Variants in HMBOX1 observed in about 807,000 individuals in gnomAD.
The protein encoded by HMBOX1 is homeobox containing 1, also known as homeobox-containing protein 1.
HMBOX1 carries 14 observed loss-of-function variants against 54.5 expected under a neutral mutation model. The ratio of observed to expected loss-of-function variants is 0.26; its 90% CI spans 0.17 to 0.40. The LOEUF (loss-of-function observed/expected upper bound fraction) is 0.40, where lower values mean the gene tolerates loss of function less well. Ranked by LOEUF, HMBOX1 falls within the 10% of genes least tolerant of loss-of-function variation. HMBOX1 has a pLI of 1.00. For missense variants in HMBOX1, 332 were observed against 514.4 expected, an observed-to-expected ratio of 0.65 and a Z score of 3.43; for synonymous variants, 160 against 181.0, an observed-to-expected ratio of 0.88 and a Z score of 0.93.
rs1563658448 is a variant in HMBOX1 at position 29,052,569 on chromosome 8, CAG to C, written c.*1415_*1416del. On this transcript the variant is annotated 3_prime_UTR_variant, in exon 10 of 10. Transcript: ENST00000287701. ...CATTTTGAGAACTCAAAATACCAAACAGTGAACTTGCATTCTAAAGTCACCCT... is the reference window on the plus strand; with the variant it reads ...CATTTTGAGAACTCAAAATACCAAACTGAACTTGCATTCTAAAGTCACCCT... 6.6e-6 allele frequency: 1 copy of C among 151,950 alleles called. No homozygotes were observed. The highest frequency in any genetic ancestry group is 1.5e-5 in the Non-Finnish European group (1 of 68,014). The allele number at this position is 151,950 out of a possible 1,614,324, so 9.4% of individuals were successfully genotyped here. A position where few individuals can be genotyped will look rare whatever the true frequency, so the allele number is the denominator to read the frequency against.
At chr8:29,003,076 A>G (rs1832877165) in intron 4 of HMBOX1, among the ~76,000 whole-genome samples, 2 of 148,830 alleles carry the variant, frequency 1.3e-5, no homozygotes, top group South Asian at 2.2e-4. Context: ...AACTGAGTAC[A>G]GTCTTGTCTT....
intron 2 of HMBOX1, among the ~76,000 whole-genome samples, chr8:28,967,132 G>C (rs528052510): frequency 1.8e-4 from 28 of 152,288 alleles, no homozygotes; most frequent in African/African-American, 5.5e-4. Flanking sequence ...TATGGTGACT[G>C]TTCATCTTTC....
At position 29,051,865 on chromosome 8, in the gene HMBOX1, T is replaced by G; in HGVS notation, c.*710T>G. On this transcript the variant is annotated 3_prime_UTR_variant, in exon 10 of 10. Transcript: ENST00000287701. Reference sequence around the variant, plus strand: ...ATACTGCCTTCTGCCTTTGGGACCATGATTAAAAACAAAGACAAAAACCAA... The same window carrying G: ...ATACTGCCTTCTGCCTTTGGGACCAGGATTAAAAACAAAGACAAAAACCAA... The G allele has an allele frequency of 7.0e-6, 2 of 285,452 alleles. No individual in the cohort carries two copies. Among genetic ancestry groups the G allele is most frequent in the East Asian group, 5.7e-5 (1 of 17,676 alleles). The allele number at this position is 285,452 out of a possible 1,614,324, so 17.7% of individuals were successfully genotyped here.
At chr8:28,964,010 G>GA (rs1826040500) in intron 2 of HMBOX1, 120 bp downstream of exon 2, 2 of 700,162 alleles carry the variant, frequency 2.9e-6, no homozygotes, top group Admixed American at 5.0e-5. Flanking sequence ...AGCTTTTTTA[G>GA]AAAATGAATC....
chr8:28,953,626 A>G (rs575590580), intron 1 of HMBOX1, among the ~76,000 whole-genome samples: 2 of 150,218 alleles, frequency 1.3e-5, no homozygotes, highest in Non-Finnish European at 3.0e-5. Context: ...TTAAGTTTCT[A>G]TGTCTAGTCT....
intron 4 of HMBOX1, among the ~76,000 whole-genome samples, chr8:28,986,646 ATCT>A (rs1054148440): frequency 5.3e-5 from 8 of 152,202 alleles, no homozygotes; most frequent in African/African-American, 1.9e-4. Flanking sequence ...ACCTTTTCAA[ATCT>A]TCTTTGAATG....
chr8:28,921,553 A>G (rs17524458), intron 1 of HMBOX1, among the ~76,000 whole-genome samples: 4,128 of 152,332 alleles, frequency 0.027, 84 homozygotes, highest in Middle Eastern at 0.044. Flanking sequence ...ATTAGTAGAT[A>G]TGGTTGACCA....
chr8:28,984,208 T>C (rs1409224499), intron 4 of HMBOX1, among the ~76,000 whole-genome samples: 3 of 152,238 alleles, frequency 2.0e-5, no homozygotes, highest in South Asian at 2.1e-4. Context: ...CTTCAAAGAA[T>C]ATGTACCTGA....
intron 4 of HMBOX1, among the ~76,000 whole-genome samples, chr8:28,990,578 GTTCATGAGGGACA>G (rs1249930769): frequency 6.6e-6 from 1 of 152,070 alleles, no homozygotes; most frequent in Non-Finnish European, 1.5e-5. Flanking sequence ...TCACATCTGT[GTTCATGAGGGACA>G]TTCTGGGTTT....
chr8:29,050,763 A>T (rs1181491731), intron 9 of HMBOX1: 2 of 466,724 alleles, frequency 4.3e-6, no homozygotes, highest in African/African-American at 3.9e-5. Context: ...TTATTAATAG[A>T]ATGAATAGAA....
At chr8:28,962,910 T>TTAA (rs1825853155) in intron 1 of HMBOX1, among the ~76,000 whole-genome samples, 1 of 152,146 alleles carries the variant, frequency 6.6e-6, no homozygotes, top group East Asian at 1.9e-4. Context: ...CCTAAGCTCC[T>TTAA]CTACTGTTGG....
intron 1 of HMBOX1, among the ~76,000 whole-genome samples, chr8:28,948,261 A>G (rs1424309458): frequency 6.6e-6 from 1 of 152,184 alleles, no homozygotes; most frequent in Non-Finnish European, 1.5e-5. Context: ...TACCACAAGA[A>G]TGTAACCTCC....
chr8:28,927,831 C>CAAAA (rs34952149), intron 1 of HMBOX1, among the ~76,000 whole-genome samples: 17 of 52,726 alleles, frequency 3.2e-4, no homozygotes, highest in East Asian at 1.3e-3. Flanking sequence ...AACTCAGTCT[C>CAAAA]AAAAAAAAAA....
chr8:28,995,548 A>G lies in HMBOX1; in HGVS notation c.587-13524A>G, dbSNP rs141595524. On this transcript the variant is annotated intron_variant, in intron 4 of 9. Transcript: ENST00000287701. The stretch of plus-strand genomic sequence containing the variant: ...AACTGCTGGGTCACATGGTAATTCT[A>G]TGTTTAATGTTTTGAGGAACTGCCA... Among the ~76,000 whole-genome samples, 5 of 152,280 alleles carry G rather than the reference A, an allele frequency of 3.3e-5. No homozygotes were observed. In the South Asian group the frequency reaches 6.2e-4, roughly 19 times the overall value.
At chr8:29,049,817 C>T (rs1806171335) in intron 9 of HMBOX1, among the ~76,000 whole-genome samples, 1 of 152,150 alleles carries the variant, frequency 6.6e-6, no homozygotes, top group Non-Finnish European at 1.5e-5. Context: ...TCCCCTAGAC[C>T]ACAGCAAGAA....
At chr8:28,933,545 T>C (rs1317739502) in intron 1 of HMBOX1, among the ~76,000 whole-genome samples, 1 of 152,200 alleles carries the variant, frequency 6.6e-6, no homozygotes, top group Non-Finnish European at 1.5e-5. Flanking sequence ...AAAATTGATA[T>C]ACCTCTAGGT....
chr8:28,992,543 A>T (rs530957587), intron 4 of HMBOX1, among the ~76,000 whole-genome samples: 1 of 152,222 alleles, frequency 6.6e-6, no homozygotes, highest in Admixed American at 6.5e-5. Context: ...AAATTTATTC[A>T]TGTGGTTCAA....
chr8:29,013,083 A>G (rs371977514), intron 5 of HMBOX1, among the ~76,000 whole-genome samples: 10 of 152,302 alleles, frequency 6.6e-5, no homozygotes, highest in African/African-American at 2.4e-4. Context: ...TGTATATTCT[A>G]TGACTCTATT....
At chr8:29,049,932 A>G (rs1806189357) in intron 9 of HMBOX1, among the ~76,000 whole-genome samples, 1 of 152,212 alleles carries the variant, frequency 6.6e-6, no homozygotes, top group Non-Finnish European at 1.5e-5. Flanking sequence ...CACACCTAGA[A>G]TGCATGCAAG....
Sources: allele counts gnomAD v4.1 joint callset (sites outside exome capture counted in the v4.1 genomes callset), GRCh38; gene constraint gnomAD v4.1.1; transcripts MANE v1.5; gene names NCBI Gene and HGNC (gene_info 2026-07-23, HGNC 2026-07-21).